The following SENP6 variants were observed in gnomAD, a reference collection of about 807,000 sequenced individuals.
SENP6 encodes the protein sentrin-specific protease 6.
A neutral mutation model predicts 134.5 loss-of-function variants in SENP6; 41 were observed. That is an observed-to-expected ratio of 0.30 (90% CI 0.24 to 0.40). SENP6 has a LOEUF of 0.40. Ranked by LOEUF, SENP6 falls within the 10% of genes least tolerant of loss-of-function variation. SENP6 has a pLI of 1.00. For synonymous variants in SENP6, 395 were observed against 429.8 expected (o/e 0.92, Z 1.00); for missense variants, 1,248 against 1,312.5 (o/e 0.95, Z 0.76).
rs1162582146 is a variant in SENP6, at chr6:75,709,586, C to G, written c.2776C>G (p.Leu926Val). ...TGAATCACCTGAAGCTGGTAAAATG[C>G]TTGAAGATGAACTCGTCGACTTCTC... ...SDESPEAGKM[L>V]EDELVDFSED... Residue 926 changes from leucine (L) to valine (V), a missense_variant, in exon 20 of 24, where the codon CTT becomes GTT. Physicochemically the swap from Leu to Val is conservative, Grantham distance 32. Transcript: ENST00000447266. 4 of 1,613,922 alleles carry G rather than the reference C, an allele frequency of 2.5e-6. No individual in the cohort carries two copies. In the South Asian group the frequency reaches 3.3e-5, roughly 13 times the overall value.
At chr6:75,651,145 C>T (rs1251633092) in intron 7 of SENP6, among the ~76,000 whole-genome samples, 2 of 152,092 alleles carry the variant, frequency 1.3e-5, no homozygotes, top group South Asian at 4.1e-4. Flanking sequence ...TACAGAATAA[C>T]AACCGTTAAG....
chr6:75,700,776 G>A (rs1774972301), intron 18 of SENP6, among the ~76,000 whole-genome samples: 1 of 152,208 alleles, frequency 6.6e-6, no homozygotes, highest in Non-Finnish European at 1.5e-5. Flanking sequence ...ACAGGTGTGA[G>A]CCACCGTGCC....
chr6:75,602,234 A>G lies in SENP6; in HGVS notation c.-291A>G. 1 of 338,020 alleles carries G rather than the reference A, an allele frequency of 3.0e-6. No homozygotes were observed. The highest frequency in any genetic ancestry group is 5.0e-5 in the Admixed American group (1 of 19,954). The allele number at this position is 338,020 out of a possible 1,614,324, so 20.9% of individuals were successfully genotyped here. ...GATGGGGAGTCGTGGGCCGAGAGGA[A>G]CCGGGCCCGGGAAGCGCCGTCGTCG... On this transcript the variant is annotated 5_prime_UTR_variant, in exon 1 of 24. Coordinates refer to ENST00000447266, the MANE Select transcript of SENP6 (RefSeq NM_015571.4).
chr6:75,663,552 T>G (rs528070356), intron 9 of SENP6, 34 bp downstream of exon 9: 20 of 1,507,918 alleles, frequency 1.3e-5, no homozygotes, highest in Non-Finnish European at 1.8e-5. Context: ...ATTGCTTATA[T>G]CAATCCAGTA....
At chr6:75,659,795 C>T (rs571415929) in intron 8 of SENP6, among the ~76,000 whole-genome samples, 2 of 152,118 alleles carry the variant, frequency 1.3e-5, no homozygotes, top group African/African-American at 4.8e-5. Context: ...CTCCTTCCTC[C>T]TGCCTACCCA....
intron 19 of SENP6, among the ~76,000 whole-genome samples, chr6:75,706,080 T>A (rs546742141): frequency 8.5e-4 from 129 of 151,726 alleles, no homozygotes; most frequent in African/African-American, 3.0e-3. Context: ...TAGCTGGGAT[T>A]ACGGGTGCGC....
intron 3 of SENP6, among the ~76,000 whole-genome samples, chr6:75,628,760 A>G (rs957525145): frequency 2.2e-4 from 33 of 152,186 alleles, no homozygotes; most frequent in African/African-American, 8.0e-4. Context: ...CACTCTGTCT[A>G]CCAGGCTGGA....
chr6:75,650,289 A>G (rs1041652225), intron 7 of SENP6, among the ~76,000 whole-genome samples: 43 of 152,304 alleles, frequency 2.8e-4, no homozygotes, highest in African/African-American at 9.6e-4. Context: ...CATTTGGTTA[A>G]GATACTCTCT....
intron 7 of SENP6, among the ~76,000 whole-genome samples, chr6:75,651,640 C>T (rs1335528742): frequency 1.3e-5 from 2 of 152,198 alleles, no homozygotes; most frequent in Admixed American, 6.5e-5. Flanking sequence ...GTTTGGGCCA[C>T]TGCTCTGGCC....
At chr6:75,634,879 T>A in intron 5 of SENP6, 68 bp downstream of exon 5, 3 of 1,043,354 alleles carry the variant, frequency 2.9e-6, no homozygotes, top group Non-Finnish European at 4.4e-6. Context: ...TCACTTTTTT[T>A]AACCATTTTT....
intron 7 of SENP6, 22 bp from the exon 8 acceptor site, chr6:75,659,234 AAAGTTT>A (rs781239090): frequency 3.2e-6 from 5 of 1,546,928 alleles, no homozygotes; most frequent in Middle Eastern, 1.7e-4. Context: ...ACTAAAACTT[AAAGTTT>A]ATTTTTTTCT....
Position 75,634,872 on chromosome 6 carries a change from C to A in SENP6, c.458+61C>A, listed in dbSNP as rs552578561. 76 of 1,090,392 alleles carry A rather than the reference C, an allele frequency of 7.0e-5. No individual in the cohort carries two copies. The African/African-American group carries it at 1.0e-3, about 14-fold the overall frequency. 67.5% of individuals were successfully genotyped at this position (1,090,392 alleles called of 1,614,324 possible). ...TGGCATCTTCTTCAATAGGTTTTCACTTTTTTTAACCATTTTTTTCCTTTG... is the reference window on the plus strand; with the variant it reads ...TGGCATCTTCTTCAATAGGTTTTCAATTTTTTTAACCATTTTTTTCCTTTG... On this transcript the variant is annotated intron_variant, in intron 5 of 23. Transcript: ENST00000447266.
At chr6:75,708,671 G>A (rs565851061) in intron 19 of SENP6, among the ~76,000 whole-genome samples, 92 of 152,276 alleles carry the variant, frequency 6.0e-4, no homozygotes, top group Middle Eastern at 6.8e-3. Flanking sequence ...GAGGCAGGTG[G>A]ATCACTTGAG....
intron 7 of SENP6, among the ~76,000 whole-genome samples, chr6:75,649,767 G>A (rs1355955782): frequency 2.0e-5 from 3 of 152,136 alleles, no homozygotes; most frequent in East Asian, 1.9e-4. Context: ...CACCCACCTC[G>A]GCCTCCCAAA....
At position 75,602,518 on chromosome 6, in the gene SENP6, G is replaced by A; in HGVS notation, c.-7G>A. The A allele has an allele frequency of 6.4e-7, 1 of 1,551,458 alleles. No individual in the cohort carries two copies. The highest frequency in any genetic ancestry group is 8.7e-7 in the Non-Finnish European group (1 of 1,146,944). ...GATTAAGAAGGAGGCGGCGTGGGAGGAGGAAGATGGCGGCCGGCAAGAGCG... is the reference window on the plus strand; with the variant it reads ...GATTAAGAAGGAGGCGGCGTGGGAGAAGGAAGATGGCGGCCGGCAAGAGCG... On this transcript the variant is annotated 5_prime_UTR_variant, in exon 1 of 24. Coordinates refer to ENST00000447266, the MANE Select transcript of SENP6 (RefSeq NM_015571.4).
intron 7 of SENP6, among the ~76,000 whole-genome samples, chr6:75,654,065 T>TA (rs993240464): frequency 3.8e-4 from 57 of 151,284 alleles, no homozygotes; most frequent in African/African-American, 1.2e-3. Context: ...CTCTATAAAA[T>TA]AAAAAAAAAT....
chr6:75,637,511 G>GA (rs993766629), intron 5 of SENP6, among the ~76,000 whole-genome samples: 112 of 152,044 alleles, frequency 7.4e-4, no homozygotes, highest in African/African-American at 2.6e-3. Context: ...GAGAAGTATG[G>GA]AAAAAAATGC....
intron 21 of SENP6, among the ~76,000 whole-genome samples, chr6:75,711,899 C>G (rs1284473467): frequency 1.3e-5 from 2 of 152,232 alleles, no homozygotes; most frequent in Admixed American, 1.3e-4. Flanking sequence ...TCTCAAACTC[C>G]TGGCCTCAAG....
intron 8 of SENP6, among the ~76,000 whole-genome samples, chr6:75,661,258 C>A (rs1771752946): frequency 6.6e-6 from 1 of 152,198 alleles, no homozygotes; most frequent in Non-Finnish European, 1.5e-5. Context: ...TGACTCCCAT[C>A]ACCCCTGGTG....
Sources: gnomAD v4.1 joint callset for allele counts (sites outside exome capture counted in the v4.1 genomes callset) on GRCh38, gnomAD v4.1.1 for gene constraint, MANE v1.5 for transcripts, NCBI Gene and HGNC (gene_info 2026-07-23, HGNC 2026-07-21) for gene names.